The following PGLYRP3 variants were observed in gnomAD, a reference collection of about 807,000 sequenced individuals.
PGLYRP3 encodes the protein peptidoglycan recognition protein I alpha.
Under a neutral mutation model 36.0 loss-of-function variants are expected in PGLYRP3, and 39 were observed. That is an observed-to-expected ratio of 1.08 (90% CI 0.84 to 1.41). PGLYRP3 has a LOEUF of 1.41. Ranked by LOEUF, PGLYRP3 falls within the 40% of genes most tolerant of loss-of-function variation. PGLYRP3 has a pLI of 0.00. For synonymous variants in PGLYRP3, 204 were observed against 172.8 expected (o/e 1.18, Z -1.42); for missense variants, 407 against 427.9 (o/e 0.95, Z 0.43).
At chr1:153,303,090 C>T (rs1659641001) in intron 5 of PGLYRP3, among the ~76,000 whole-genome samples, 1 of 152,164 alleles carries the variant, frequency 6.6e-6, no homozygotes, top group African/African-American at 2.4e-5. Flanking sequence ...AAGCAAGAAA[C>T]ATTTTATTTG....
In PGLYRP3 at chr1:153,297,164, CCT is replaced by C. The variant is rs559143470; in HGVS notation, c.*790_*791del. Among the ~76,000 whole-genome samples the C allele has an allele frequency of 2.6e-5, 4 of 152,078 alleles. No individual in the cohort carries two copies. Among genetic ancestry groups the C allele is most frequent in the Non-Finnish European group, 5.9e-5 (4 of 68,014 alleles). ...ATTTCTTTAACAAACATCTGTAGAACCTATTAAACTCCAAACACTGCTGAGGA... is the reference window on the plus strand; with the variant it reads ...ATTTCTTTAACAAACATCTGTAGAACATTAAACTCCAAACACTGCTGAGGA... On this transcript the variant is annotated 3_prime_UTR_variant, in exon 8 of 8. Coordinates refer to ENST00000683862, the MANE Select transcript of PGLYRP3 (RefSeq NM_052891.3).
Position 153,300,335 on chromosome 1 carries a change from C to G in PGLYRP3, c.729-1104G>C, listed in dbSNP as rs561168457. Among the ~76,000 whole-genome samples the G allele has an allele frequency of 4.6e-5, 7 of 152,302 alleles. No homozygotes were observed. The South Asian group carries it at 1.5e-3, about 32-fold the overall frequency. ...AGCCATTCTCAGACCCCAATCACCCCCCACAAAGCCTTGATTAGAGACTCA... is the reference window on the plus strand; with the variant it reads ...AGCCATTCTCAGACCCCAATCACCCGCCACAAAGCCTTGATTAGAGACTCA... On this transcript the variant is annotated intron_variant, in intron 6 of 7. Coordinates refer to ENST00000683862, the MANE Select transcript of PGLYRP3 (RefSeq NM_052891.3).
rs1659445725 is a variant in PGLYRP3, at chr1:153,297,138, C to T, written c.*818G>A. On this transcript the variant is annotated 3_prime_UTR_variant, in exon 8 of 8. Coordinates refer to ENST00000683862, the MANE Select transcript of PGLYRP3 (RefSeq NM_052891.3). The stretch of plus-strand genomic sequence containing the variant: ...GGGTCCACTCATTCATTTATTCATC[C>T]ATTTCTTTAACAAACATCTGTAGAA... 6.6e-6 allele frequency among the ~76,000 whole-genome samples: 1 copy of T among 152,160 alleles called. No homozygotes were observed. Among genetic ancestry groups the T allele is most frequent in the African/African-American group, 2.4e-5 (1 of 41,430 alleles).
intron 2 of PGLYRP3, among the ~76,000 whole-genome samples, chr1:153,308,114 C>A (rs1659799394): frequency 6.6e-6 from 1 of 151,978 alleles, no homozygotes; most frequent in African/African-American, 2.4e-5. Flanking sequence ...CTTGCTTCAG[C>A]CTCCCGAGTA....
At chr1:153,305,217 A>T in intron 3 of PGLYRP3, 152 bp from the exon 4 acceptor site, 1 of 580,256 alleles carries the variant, frequency 1.7e-6, no homozygotes, top group Non-Finnish European at 3.0e-6. Context: ...CCAGTTTTAG[A>T]CCTCCAAGAG....
Position 153,297,369 on chromosome 1 carries a change from C to A in PGLYRP3, c.*587G>T, listed in dbSNP as rs1659450502. Among the ~76,000 whole-genome samples the A allele has an allele frequency of 7.0e-6, 1 of 143,578 alleles. No homozygotes were observed. The highest frequency in any genetic ancestry group is 7.3e-5 in the Admixed American group (1 of 13,732). 94.2% of individuals were successfully genotyped at this position (143,578 alleles called of 152,430 possible). A position where few individuals can be genotyped will look rare whatever the true frequency, so the allele number is the denominator to read the frequency against. ...AGAGAGGGGGGGTGGGCACACTGAC[C>A]TAGGTCATGGGTGAGGGATGAAGGG... On this transcript the variant is annotated 3_prime_UTR_variant, in exon 8 of 8. Coordinates refer to ENST00000683862, the MANE Select transcript of PGLYRP3 (RefSeq NM_052891.3).
chr1:153,307,188 G>A lies in PGLYRP3; in HGVS notation c.135C>T (p.Ala45=), dbSNP rs116398429. Residue 45 remains alanine, a synonymous_variant, in exon 3 of 8, where the codon GCC becomes GCT. Coordinates refer to ENST00000683862, the MANE Select transcript of PGLYRP3 (RefSeq NM_052891.3). ...ACRALLTLPV[A]YIITDQLPGM... ...CTGGGAGCTGGTCTGTGATGATGTA[G>A]GCCACAGGCAGGGTCAGCAGGGCCC... 1.2e-6 allele frequency: 2 copies of A among 1,612,260 alleles called. No homozygotes were observed. Among genetic ancestry groups the A allele is most frequent in the South Asian group, 2.2e-5 (2 of 90,570 alleles).
rs1455139352 is a variant in PGLYRP3 at position 153,307,009 on chromosome 1, T to A, written c.257+57A>T. The A allele has an allele frequency of 3.2e-6, 5 of 1,545,172 alleles. No homozygotes were observed. In the South Asian group the frequency reaches 5.7e-5, roughly 18 times the overall value. ...AATAAGAGCCACAGAGAAGGGGAAG[T>A]GGGAAGCACCCCCGTGACTTTGGAT... On this transcript the variant is annotated intron_variant, in intron 3 of 7. Transcript: ENST00000683862.
chr1:153,308,261 T>A (rs138607534), intron 2 of PGLYRP3, among the ~76,000 whole-genome samples: 312 of 152,326 alleles, frequency 2.0e-3, no homozygotes, highest in Non-Finnish European at 3.6e-3. Flanking sequence ...CCCAAAGTGC[T>A]GGGATTATAG....
chr1:153,301,578 A>G (rs770149777), intron 6 of PGLYRP3, among the ~76,000 whole-genome samples: 3 of 152,246 alleles, frequency 2.0e-5, no homozygotes, highest in Non-Finnish European at 4.4e-5. Flanking sequence ...TAGAAAGCCT[A>G]TGGAAAATCC....
intron 2 of PGLYRP3, among the ~76,000 whole-genome samples, chr1:153,307,764 G>C (rs1291449252): frequency 6.6e-6 from 1 of 152,148 alleles, no homozygotes; most frequent in Non-Finnish European, 1.5e-5. Flanking sequence ...GGACTCCAGA[G>C]CCCACAGGAG....
rs1343394336 is a variant in PGLYRP3, at chr1:153,299,123, G to C, written c.837C>G (p.Gly279=). 1.2e-6 allele frequency: 2 copies of C among 1,613,876 alleles called. No homozygotes were observed. Among genetic ancestry groups the C allele is most frequent in the South Asian group, 1.1e-5 (1 of 91,062 alleles). The change falls in exon 7 of 8, where the codon GGC becomes GGG. Residue 279 remains glycine, a synonymous_variant. Transcript: ENST00000683862. ...ATGCTCACCCCTTACCTACAAAGTA[G>C]CCGATGAAGGCAATTCCTAGGGCAA... ...NDIALGIAFI[G]YFVEKPPNAA...
In PGLYRP3 at chr1:153,298,070, C is replaced by G. The variant is rs751839832; in HGVS notation, c.912G>C (p.Glu304Asp). The G allele has an allele frequency of 6.2e-7, 1 of 1,613,952 alleles. No homozygotes were observed. The highest frequency in any genetic ancestry group is 8.5e-7 in the Non-Finnish European group (1 of 1,180,016). Residue 304 changes from glutamate (E) to aspartate (D), a missense_variant, in exon 8 of 8, where the codon GAG becomes GAC. Transcript: ENST00000683862. ...GCAGGTAGTTTGGAGTCAGGTACCC[C>G]TCAACCACGGCACACTGGATCAGGT... ...AQDLIQCAVV[E>D]GYLTPNYLLM...
rs1659454601 is a variant in PGLYRP3 at position 153,297,465 on chromosome 1, A to G, written c.*491T>C. On this transcript the variant is annotated 3_prime_UTR_variant, in exon 8 of 8. Coordinates refer to ENST00000683862, the MANE Select transcript of PGLYRP3 (RefSeq NM_052891.3). ...CGGGGAGAGGGGGAGAGAGAGAGAGAGAGAGAGAGAGTGAGAAAGCAAGAA... is the reference window on the plus strand; with the variant it reads ...CGGGGAGAGGGGGAGAGAGAGAGAGGGAGAGAGAGAGTGAGAAAGCAAGAA... Among the ~76,000 whole-genome samples, 1 of 141,518 alleles carries G rather than the reference A, an allele frequency of 7.1e-6. No homozygotes were observed. The highest frequency in any genetic ancestry group is 7.1e-5 in the Admixed American group (1 of 14,008). The allele number at this position is 141,518 out of a possible 152,430, so 92.8% of individuals were successfully genotyped here.
In PGLYRP3 at chr1:153,307,185, G is replaced by A. The variant is rs1480526679; in HGVS notation, c.138C>T (p.Tyr46=). The A allele has an allele frequency of 5.0e-6, 8 of 1,612,218 alleles. No homozygotes were observed. The highest frequency in any genetic ancestry group is 6.8e-6 in the Non-Finnish European group (8 of 1,179,336). The change falls in exon 3 of 8, where the codon TAC becomes TAT. Residue 46 remains tyrosine, a synonymous_variant. Coordinates refer to ENST00000683862, the MANE Select transcript of PGLYRP3 (RefSeq NM_052891.3). ...CRALLTLPVA[Y]IITDQLPGMQ... is the part of the protein sequence containing the mutation. ...TCCCTGGGAGCTGGTCTGTGATGAT[G>A]TAGGCCACAGGCAGGGTCAGCAGGG...
Position 153,307,101 on chromosome 1 carries a change from G to T in PGLYRP3, c.222C>A (p.Ser74=). The T allele has an allele frequency of 6.2e-7, 1 of 1,613,654 alleles. No individual in the cohort carries two copies. Among genetic ancestry groups the T allele is most frequent in the Non-Finnish European group, 8.5e-7 (1 of 1,179,842 alleles). The change falls in exon 3 of 8, where the codon TCC becomes TCA. Residue 74 remains serine (S), a synonymous_variant. Coordinates refer to ENST00000683862, the MANE Select transcript of PGLYRP3 (RefSeq NM_052891.3). The part of the protein sequence containing the change: ...SQMLRGLQSH[S]VYTIGWCDVA... ...CGTCGCACCAGCCTATGGTGTAGACGGAATGGGACTGCAACCCCCGCAGCA... is the reference window on the plus strand; with the variant it reads ...CGTCGCACCAGCCTATGGTGTAGACTGAATGGGACTGCAACCCCCGCAGCA...
At position 153,305,078 on chromosome 1, in the gene PGLYRP3, A is replaced by G. The variant is rs1361458620; in HGVS notation, c.258-13T>C. 1.0e-5 allele frequency: 16 copies of G among 1,599,152 alleles called. No homozygotes were observed. The highest frequency in any genetic ancestry group is 1.4e-5 in the Non-Finnish European group (16 of 1,171,916). The stretch of plus-strand genomic sequence containing the variant: ...CCCAACCAGGAAGCTGACAAGAAGG[A>G]AATAATGATTTTACTGCAAATCTCC... On this transcript the variant is annotated splice_polypyrimidine_tract_variant and intron_variant, in intron 3 of 7. Coordinates refer to ENST00000683862, the MANE Select transcript of PGLYRP3 (RefSeq NM_052891.3).
chr1:153,304,844 G>A (rs1246085628), intron 4 of PGLYRP3, 103 bp downstream of exon 4: 6 of 801,556 alleles, frequency 7.5e-6, no homozygotes, highest in East Asian at 2.7e-5. Flanking sequence ...ATCAGAGAAG[G>A]TAAGTATGAT....
At chr1:153,306,859 C>G (rs572261242) in intron 3 of PGLYRP3, among the ~76,000 whole-genome samples, 1 of 152,188 alleles carries the variant, frequency 6.6e-6, no homozygotes, top group African/African-American at 2.4e-5. Flanking sequence ...GCACCAGAAT[C>G]GAAAGCCACT....
Sources: allele counts gnomAD v4.1 joint callset (sites outside exome capture counted in the v4.1 genomes callset), GRCh38; gene constraint gnomAD v4.1.1; transcripts MANE v1.5; gene names NCBI Gene and HGNC (gene_info 2026-07-23, HGNC 2026-07-21).